MEIS2: variants seen among roughly 807,000 people sequenced by gnomAD.
The protein encoded by MEIS2 is Meis homeobox 2.
MEIS2 carries 9 observed loss-of-function variants against 58.6 expected under a neutral mutation model. That is an observed-to-expected ratio of 0.15 (90% CI 0.09 to 0.27). MEIS2 has a LOEUF of 0.27. MEIS2 is among the 10% of genes least tolerant of loss of function. The pLI is 1.00. For missense variants in MEIS2, 427 were observed against 635.0 expected (o/e 0.67, Z 3.52); for synonymous variants, 221 against 228.4 (o/e 0.97, Z 0.29).
At chr15:36,923,007 T>C (rs837135) in intron 9 of MEIS2, among the ~76,000 whole-genome samples, 4,655 of 152,254 alleles carry the variant, frequency 0.031, 243 homozygotes, top group African/African-American at 0.11. Flanking sequence ...AAATTAATAA[T>C]GTTCTCTGGA....
intron 8 of MEIS2, among the ~76,000 whole-genome samples, chr15:37,034,607 G>A (rs2062070739): frequency 6.6e-6 from 1 of 152,206 alleles, no homozygotes; most frequent in Non-Finnish European, 1.5e-5. Flanking sequence ...CCCTGGGCAG[G>A]GAGGTGGGAG....
intron 7 of MEIS2, chr15:37,066,682 G>A (rs1567249374): frequency 6.6e-6 from 1 of 152,224 alleles, no homozygotes; most frequent in Non-Finnish European, 1.5e-5. Context: ...CAGCATGCTA[G>A]AGTTGGAGAA....
Position 36,895,147 on chromosome 15 carries a change from C to A in MEIS2, c.1147+4G>T. The A allele has an allele frequency of 6.2e-7, 1 of 1,612,826 alleles. No homozygotes were observed. The highest frequency in any genetic ancestry group is 8.5e-7 in the Non-Finnish European group (1 of 1,179,540). ...AAGCCCAGAGGCGGGATGAGCCAAC[C>A]TACCTGCAGGCCGGATCCCCATGTG... On this transcript the variant is annotated splice_donor_region_variant and intron_variant, in intron 11 of 11. Transcript: ENST00000561208.
intron 10 of MEIS2, among the ~76,000 whole-genome samples, chr15:36,895,560 C>T (rs1567019480): frequency 6.6e-6 from 1 of 152,094 alleles, no homozygotes; most frequent in Admixed American, 6.5e-5. Flanking sequence ...TTAGGGGTAC[C>T]CCATATACAA....
intron 6 of MEIS2, among the ~76,000 whole-genome samples, chr15:37,088,407 C>T (rs1158717251): frequency 6.6e-6 from 1 of 152,156 alleles, no homozygotes; most frequent in African/African-American, 2.4e-5. Flanking sequence ...AATTAAATTA[C>T]TTATTTCCCA....
intron 8 of MEIS2, among the ~76,000 whole-genome samples, chr15:36,996,830 A>G (rs2060538110): frequency 6.6e-6 from 1 of 152,222 alleles, no homozygotes; most frequent in Non-Finnish European, 1.5e-5. Context: ...CTTCCCAGCT[A>G]AAAATAAGAA....
Position 36,993,294 on chromosome 15 carries a change from TTAAC to T in MEIS2, c.901-42898_901-42895del, listed in dbSNP as rs562561960. ...AAAGAAACTTCTAGAATTCCGGTATTTAACTAATTCTTCTACTGTACTTTCATTT... is the reference window on the plus strand; with the variant it reads ...AAAGAAACTTCTAGAATTCCGGTATTTAATTCTTCTACTGTACTTTCATTT... On this transcript the variant is annotated intron_variant, in intron 8 of 11. Transcript: ENST00000561208. 1.9e-4 allele frequency among the ~76,000 whole-genome samples: 29 copies of T among 152,268 alleles called. 1 individual carries two copies. The South Asian group carries it at 5.4e-3, about 28-fold the overall frequency.
intron 9 of MEIS2, among the ~76,000 whole-genome samples, chr15:36,948,671 G>A (rs1024262930): frequency 1.3e-5 from 2 of 151,972 alleles, no homozygotes; most frequent in Non-Finnish European, 2.9e-5. Flanking sequence ...ATAAAAGAAT[G>A]TGCAGAGCAA....
At chr15:36,962,384 G>A (rs988121249) in intron 8 of MEIS2, among the ~76,000 whole-genome samples, 1 of 152,094 alleles carries the variant, frequency 6.6e-6, no homozygotes, top group Non-Finnish European at 1.5e-5. Flanking sequence ...CAAAATCTGA[G>A]GATGTTCAAG....
Position 37,093,656 on chromosome 15 carries a change from G to T in MEIS2, c.564C>A (p.Val188=). 6.2e-7 allele frequency: 1 copy of T among 1,614,198 alleles called. No homozygotes were observed. Among genetic ancestry groups the T allele is most frequent in the South Asian group, 1.1e-5 (1 of 91,080 alleles). The change falls in exon 6 of 12, where the codon GTC becomes GTA. Residue 188 remains valine, a synonymous_variant. Coordinates refer to ENST00000561208, the MANE Select transcript of MEIS2 (RefSeq NM_170675.5). ...CLKGKMPIDL[V]IDERDGSSKS... is the part of the protein sequence containing the mutation. ...TGGAGCTGCCGTCTCTTTCATCAAT[G>T]ACGAGGTCGATGGGCATTTTCCCCT...
chr15:37,039,131 G>A (rs963299138), intron 7 of MEIS2, among the ~76,000 whole-genome samples: 1 of 151,564 alleles, frequency 6.6e-6, no homozygotes, highest in Admixed American at 6.6e-5. Context: ...CGGAGATGAG[G>A]AAAAAAAATC....
At chr15:36,926,160 T>A (rs980014531) in intron 9 of MEIS2, among the ~76,000 whole-genome samples, 8 of 152,136 alleles carry the variant, frequency 5.3e-5, no homozygotes, top group Non-Finnish European at 1.0e-4. Flanking sequence ...ATTTCCTTTT[T>A]TTTTTTTTCT....
At chr15:36,984,767 C>T (rs888896914) in intron 8 of MEIS2, among the ~76,000 whole-genome samples, 2 of 152,076 alleles carry the variant, frequency 1.3e-5, no homozygotes, top group African/African-American at 4.8e-5. Context: ...AATCTCCTTA[C>T]CGGTTATTTG....
At chr15:37,024,158 A>G (rs1386474873) in intron 8 of MEIS2, among the ~76,000 whole-genome samples, 2 of 151,934 alleles carry the variant, frequency 1.3e-5, no homozygotes, top group East Asian at 3.9e-4. Context: ...TCGGCCTCCC[A>G]AAGTGCTGGG....
At chr15:36,976,375 C>A (rs62045769) in intron 8 of MEIS2, among the ~76,000 whole-genome samples, 1 of 151,686 alleles carries the variant, frequency 6.6e-6, no homozygotes, top group African/African-American at 2.4e-5. Context: ...TGAGCCACCG[C>A]GCCTGGCCTA....
At chr15:37,015,504 C>T (rs554587575) in intron 8 of MEIS2, among the ~76,000 whole-genome samples, 361 of 151,700 alleles carry the variant, frequency 2.4e-3, no homozygotes, top group African/African-American at 8.3e-3. Flanking sequence ...CTAAGGCCAC[C>T]GATCACTGTA....
chr15:37,001,584 A>T (rs773911886), intron 8 of MEIS2, among the ~76,000 whole-genome samples: 3 of 152,110 alleles, frequency 2.0e-5, no homozygotes, highest in Non-Finnish European at 4.4e-5. Context: ...CTTCCTCCAG[A>T]CTATTTCTCA....
chr15:37,040,076 A>ATGTG lies in MEIS2; in HGVS notation c.755-3121_755-3118dup, dbSNP rs35630750. Among the ~76,000 whole-genome samples the ATGTG allele has an allele frequency of 2.2e-3, 324 of 145,634 alleles. 1 individual carries two copies. The highest frequency in any genetic ancestry group is 9.9e-3 in the South Asian group (45 of 4,556). On this transcript the variant is annotated intron_variant, in intron 7 of 11. Transcript: ENST00000561208. ...TTTTTTTTTTGTTTTAAGGCTGTGT[A>ATGTG]TGTGTGTGTGTGTGTGTGTGGTTGT...
Position 36,891,936 on chromosome 15 carries a change from A to C in MEIS2, c.*237T>G. The C allele has an allele frequency of 1.7e-6, 1 of 576,292 alleles. No individual in the cohort carries two copies. The highest frequency in any genetic ancestry group is 3.1e-6 in the Non-Finnish European group (1 of 326,954). 35.7% of individuals were successfully genotyped at this position (576,292 alleles called of 1,614,324 possible). On this transcript the variant is annotated 3_prime_UTR_variant, in exon 12 of 12. Coordinates refer to ENST00000561208, the MANE Select transcript of MEIS2 (RefSeq NM_170675.5). ...CTATATTTATACTACAGTAGTTATA[A>C]CTCTCGGAGTCTTTTTCCAGAGGAT...
Sources: gnomAD v4.1 joint callset for allele counts (sites outside exome capture counted in the v4.1 genomes callset) on GRCh38, gnomAD v4.1.1 for gene constraint, MANE v1.5 for transcripts, NCBI Gene and HGNC (gene_info 2026-07-23, HGNC 2026-07-21) for gene names.